Variants in EBF1 observed in about 807,000 individuals in gnomAD.
EBF1 encodes the protein transcription factor COE1.
A neutral mutation model predicts 68.4 loss-of-function variants in EBF1; 10 were observed. That is an observed-to-expected ratio of 0.15 (90% confidence interval 0.09 to 0.25). The LOEUF (loss-of-function observed/expected upper bound fraction) is 0.25, where lower values mean the gene tolerates loss of function less well. EBF1 is among the 10% of genes least tolerant of loss of function. The probability of loss-of-function intolerance (pLI) is 1.00; values close to 1 mark genes in which losing one functional copy is unlikely to be tolerated. For synonymous variants in EBF1, 298 were observed against 299.8 expected (o/e 0.99, Z 0.06); for missense variants, 509 against 794.4 (o/e 0.64, Z 4.32).
chr5:158,884,975 G>A (rs1166307121), intron 6 of EBF1, among the ~76,000 whole-genome samples: 1 of 152,170 alleles, frequency 6.6e-6, no homozygotes, highest in African/African-American at 2.4e-5. Flanking sequence ...GAGCTTCTGT[G>A]CTATTTGTCT....
At chr5:158,854,682 G>T (rs907931910) in intron 6 of EBF1, among the ~76,000 whole-genome samples, 2 of 152,182 alleles carry the variant, frequency 1.3e-5, no homozygotes, top group Admixed American at 6.5e-5. Context: ...CTTCCTCCTT[G>T]CTTCTAAAGA....
intron 7 of EBF1, among the ~76,000 whole-genome samples, chr5:158,830,441 TTA>T (rs1475740967): frequency 2.0e-5 from 3 of 152,186 alleles, no homozygotes; most frequent in Non-Finnish European, 4.4e-5. Flanking sequence ...CAGCTAATTT[TTA>T]TATTTTTAGT....
At chr5:158,714,266 G>A (rs1322790544) in intron 11 of EBF1, 84 bp from the exon 12 acceptor site, 1 of 1,527,556 alleles carries the variant, frequency 6.5e-7, no homozygotes, top group Admixed American at 1.7e-5. Context: ...CAGTCCCTCT[G>A]GCCATACTTT....
Position 159,022,726 on chromosome 5 carries a change from G to C in EBF1, c.554+50670C>G, listed in dbSNP as rs1766955580. ...TTTTGAAAACCAGCCGCTGGGATAA[G>C]AACACAAGCTATTTAGGCAATGCAA... On this transcript the variant is annotated intron_variant, in intron 6 of 15. Coordinates refer to ENST00000313708, the MANE Select transcript of EBF1 (RefSeq NM_024007.5). Among the ~76,000 whole-genome samples, 4 of 152,120 alleles carry C rather than the reference G, an allele frequency of 2.6e-5. No homozygotes were observed. In the South Asian group the frequency reaches 8.3e-4, roughly 32 times the overall value.
rs1010184361 is a variant in EBF1 at position 159,079,994 on chromosome 5, G to A, written c.485+4672C>T. Among the ~76,000 whole-genome samples the A allele has an allele frequency of 2.6e-5, 4 of 152,058 alleles. No individual in the cohort carries two copies. The East Asian group carries it at 5.8e-4, about 22-fold the overall frequency. On this transcript the variant is annotated intron_variant, in intron 5 of 15. Transcript: ENST00000313708. ...AACACACCCTGCCTTCTTGCTAAGC[G>A]TGATTATTCCCCCCAAGAATATAGC...
intron 6 of EBF1, among the ~76,000 whole-genome samples, chr5:159,072,726 T>G (rs565857325): frequency 6.6e-6 from 1 of 152,348 alleles, no homozygotes; most frequent in East Asian, 1.9e-4. Flanking sequence ...GCATAATGCG[T>G]GCACACTGAC....
chr5:158,924,839 C>A (rs1452298325), intron 6 of EBF1, among the ~76,000 whole-genome samples: 1 of 114,468 alleles, frequency 8.7e-6, no homozygotes, highest in Non-Finnish European at 1.6e-5. Flanking sequence ...GGCAACAGAG[C>A]GAGACTCTGT....
rs546826067 is a variant in EBF1 at position 158,945,371 on chromosome 5, C to A, written c.555-105261G>T. Among the ~76,000 whole-genome samples the A allele has an allele frequency of 1.2e-4, 18 of 152,276 alleles. No homozygotes were observed. In the East Asian group the frequency reaches 3.3e-3, roughly 28 times the overall value. On this transcript the variant is annotated intron_variant, in intron 6 of 15. Transcript: ENST00000313708. ...TGTTTTTGTCAGGTTTGTCAAAGAT[C>A]AGATGGTTGTAGATGTGTGGTGTTA...
In EBF1 at chr5:159,085,810, C is replaced by T. The variant is rs541489444; in HGVS notation, c.412-1071G>A. On this transcript the variant is annotated intron_variant, in intron 4 of 15. Coordinates refer to ENST00000313708, the MANE Select transcript of EBF1 (RefSeq NM_024007.5). ...TATCTTTATATAGTACATACAGATG[C>T]TACAAGACTAACTTGTAGTTGACTC... 5.3e-5 allele frequency among the ~76,000 whole-genome samples: 8 copies of T among 152,088 alleles called. No individual in the cohort carries two copies. The East Asian group carries it at 1.2e-3, about 22-fold the overall frequency.
chr5:158,930,944 T>C (rs958936242), intron 6 of EBF1, among the ~76,000 whole-genome samples: 1 of 152,214 alleles, frequency 6.6e-6, no homozygotes, highest in Non-Finnish European at 1.5e-5. Flanking sequence ...ACAGTGTTTC[T>C]ATGGCAGCCT....
chr5:158,745,220 C>T (rs781085156), intron 10 of EBF1, among the ~76,000 whole-genome samples: 3 of 152,202 alleles, frequency 2.0e-5, no homozygotes, highest in South Asian at 4.2e-4. Flanking sequence ...GCAATAACCC[C>T]GGGTCTCCTG....
intron 10 of EBF1, among the ~76,000 whole-genome samples, chr5:158,753,447 T>C (rs1769369680): frequency 6.6e-6 from 1 of 152,148 alleles, no homozygotes; most frequent in South Asian, 2.1e-4. Flanking sequence ...TGATGGGTTC[T>C]GGCTATAATC....
At chr5:158,737,344 C>T (rs1346245016) in intron 10 of EBF1, among the ~76,000 whole-genome samples, 2 of 124,156 alleles carry the variant, frequency 1.6e-5, no homozygotes, top group East Asian at 2.7e-4. Flanking sequence ...AGTGCAGTGG[C>T]GCGATCTCGG....
chr5:159,040,621 A>AT (rs1771005852), intron 6 of EBF1, among the ~76,000 whole-genome samples: 1 of 152,146 alleles, frequency 6.6e-6, no homozygotes, highest in Non-Finnish European at 1.5e-5. Flanking sequence ...GAAAACAAAG[A>AT]TTTTTTTACA....
intron 10 of EBF1, among the ~76,000 whole-genome samples, chr5:158,746,364 T>C (rs1449253095): frequency 1.3e-5 from 2 of 152,126 alleles, no homozygotes; most frequent in African/African-American, 2.4e-5. Context: ...ACTGGCTATT[T>C]TGGGTGGGGA....
At chr5:159,055,040 T>C (rs1185286527) in intron 6 of EBF1, among the ~76,000 whole-genome samples, 1 of 152,210 alleles carries the variant, frequency 6.6e-6, no homozygotes, top group African/African-American at 2.4e-5. Context: ...TTAAGGTAGA[T>C]TTTAGCAATA....
chr5:158,773,087 GGAAA>G (rs1465012556), intron 10 of EBF1, among the ~76,000 whole-genome samples: 1 of 151,976 alleles, frequency 6.6e-6, no homozygotes. Flanking sequence ...GAGGGAGGGA[GGAAA>G]GGATGAGGGG....
chr5:158,909,954 T>TAA (rs1442929287), intron 6 of EBF1, among the ~76,000 whole-genome samples: 2 of 12,410 alleles, frequency 1.6e-4, no homozygotes, highest in Admixed American at 1.2e-3. Context: ...AGACTCTGTC[T>TAA]ATAAAAAAAA....
At chr5:158,989,354 T>C (rs1354965346) in intron 6 of EBF1, among the ~76,000 whole-genome samples, 1 of 152,224 alleles carries the variant, frequency 6.6e-6, no homozygotes, top group East Asian at 1.9e-4. Context: ...GGTGGGAGAT[T>C]GCTGCTCCTG....
Sources: allele counts gnomAD v4.1 joint callset (sites outside exome capture counted in the v4.1 genomes callset), GRCh38; gene constraint gnomAD v4.1.1; transcripts MANE v1.5; gene names NCBI Gene and HGNC (gene_info 2026-07-23, HGNC 2026-07-21).